Variants in APOL5 observed in about 807,000 individuals in gnomAD.
APOL5 encodes apolipoprotein L, 5.
In APOL5, 29 loss-of-function variants were observed where a neutral mutation model predicts 35.5. That is an observed-to-expected ratio of 0.82 (90% CI 0.61 to 1.11). The LOEUF (loss-of-function observed/expected upper bound fraction) is 1.11. Among genes scored for constraint, APOL5 ranks in the 50% most tolerant of loss-of-function variants. The pLI, the probability that APOL5 is intolerant of heterozygous loss-of-function variation, is 0.00. For synonymous variants in APOL5, 188 were observed against 200.2 expected, an observed-to-expected ratio of 0.94 and a Z score of 0.51; for missense variants, 514 against 530.4, an observed-to-expected ratio of 0.97 and a Z score of 0.30.
Position 35,720,583 on chromosome 22 carries a change from G to A in APOL5, c.71G>A (p.Cys24Tyr). 11 of 1,614,186 alleles carry A rather than the reference G, an allele frequency of 6.8e-6. No homozygotes were observed. The highest frequency in any genetic ancestry group is 1.1e-5 in the South Asian group (1 of 91,072). ...CCATCTCCAGGCTTGGGAGAAGGTT[G>A]TAAAGAAATGTGGCTTCGAAAGGTA... ...SKVLPGLGEG[C>Y]KEMWLRKVIY... Residue 24 changes from cysteine (C) to tyrosine (Y), a missense_variant, in exon 2 of 5, where the codon TGT becomes TAT. Around this residue, in one of 3 missense-constraint regions of APOL5, gnomAD observed 254 missense variants for 254.7 expected, o/e 1.00. Transcript: ENST00000249044.
chr22:35,726,263 T>C lies in APOL5; in HGVS notation c.195T>C (p.Thr65=). 6.2e-7 allele frequency: 1 copy of C among 1,613,764 alleles called. No homozygotes were observed. The highest frequency in any genetic ancestry group is 8.5e-7 in the Non-Finnish European group (1 of 1,179,652). ...QSWKINNLMS[T]VHSDEAGMLS... ...GGAAAATTAACAATTTGATGTCAAC[T>C]GTCCACAGTGATGAGGCTGGTATGC... Residue 65 remains threonine, a synonymous_variant, in exon 3 of 5, where the codon ACT becomes ACC. Transcript: ENST00000249044.
At chr22:35,714,137 C>G (rs1926670612), upstream of APOL5, among the ~76,000 whole-genome samples, 1 of 152,072 alleles carries the variant, frequency 6.6e-6, no homozygotes, top group South Asian at 2.1e-4. Context: ...CATGGTGAAA[C>G]CCCGTCTCTA....
Position 35,726,662 on chromosome 22 carries a change from AAG to A in APOL5, c.598_599del (p.Asp200GlnfsTer13), listed in dbSNP as rs1449620125. On this transcript the variant is annotated frameshift_variant, in exon 3 of 5. Coordinates refer to ENST00000249044, the MANE Select transcript of APOL5 (RefSeq NM_030642.1). LOFTEE classifies it high-confidence loss of function. Reference protein sequence around the residue: ...VLENRSNSAARDKASRLGPLT... With the variant: ...VLENRSNSAAXDKASRLGPLT... ...TAGAAAATAGAAGCAATTCAGCAGC[AAG>A]AGACAAAGCCAGCCGACTGGGGCCT... 3 of 1,614,238 alleles carry A rather than the reference AAG, an allele frequency of 1.9e-6. No homozygotes were observed. The highest frequency in any genetic ancestry group is 8.5e-7 in the Non-Finnish European group (1 of 1,180,050).
At chr22:35,708,682 G>T in the APOL5 span, among the ~76,000 whole-genome samples, 3 of 152,136 alleles carry the variant, frequency 2.0e-5, no homozygotes, top group Admixed American at 6.5e-5. Context: ...GCTTTCCTCT[G>T]CGCTGATTTT....
intron 2 of APOL5, among the ~76,000 whole-genome samples, chr22:35,724,378 C>T (rs1022527742): frequency 2.3e-5 from 3 of 133,250 alleles, no homozygotes; most frequent in East Asian, 6.6e-4. Context: ...CAAGCAACCA[C>T]CTTTTTTTTT....
At chr22:35,712,374 A>G in the APOL5 span, among the ~76,000 whole-genome samples, 2 of 151,924 alleles carry the variant, frequency 1.3e-5, no homozygotes, top group African/African-American at 4.8e-5. Context: ...GGTTTTCAAA[A>G]TAATTATTAT....
At chr22:35,718,694 T>C (rs1926852327) in intron 1 of APOL5, among the ~76,000 whole-genome samples, 1 of 150,018 alleles carries the variant, frequency 6.7e-6, no homozygotes, top group Non-Finnish European at 1.5e-5. Flanking sequence ...TAGCATAGAG[T>C]CATCAAAAAT....
chr22:35,723,922 A>T (rs989337787), intron 2 of APOL5, among the ~76,000 whole-genome samples: 8 of 152,182 alleles, frequency 5.3e-5, no homozygotes, highest in African/African-American at 1.9e-4. Flanking sequence ...GCGCCACTGC[A>T]CTCCAGCCCG....
rs1251680985 is a variant in APOL5 at position 35,726,757 on chromosome 22, T to C, written c.689T>C (p.Val230Ala). ...WSEIEAAGFC[V>A]NKCVKAIQGI... ...GAAATCGAGGCTGCTGGCTTTTGTG[T>C]TAATAAGTGTGTAAAAGCTATCCAG... is the stretch of plus-strand genomic sequence containing the variant. Residue 230 changes from valine (V) to alanine (A), a missense_variant, in exon 3 of 5, where the codon GTT becomes GCT. By Grantham distance (64) the Val-to-Ala change is moderately conservative. This residue lies in a region of APOL5 where 22 missense variants were observed against 46.6 expected (regional missense o/e 0.47). Transcript: ENST00000249044. 1.9e-6 allele frequency: 3 copies of C among 1,614,078 alleles called. No homozygotes were observed. The African/African-American group carries it at 4.0e-5, about 22-fold the overall frequency.
chr22:35,711,095 G>C, the APOL5 span, among the ~76,000 whole-genome samples: 1 of 152,184 alleles, frequency 6.6e-6, no homozygotes, highest in Non-Finnish European at 1.5e-5. Flanking sequence ...GCTTGAAGCC[G>C]GGAGTGGGAG....
At chr22:35,718,992 C>T (rs1926862334) in intron 1 of APOL5, among the ~76,000 whole-genome samples, 2 of 149,388 alleles carry the variant, frequency 1.3e-5, no homozygotes, top group South Asian at 4.3e-4. Context: ...CCAGGAGGCG[C>T]AGGTTGCAGT....
intron 4 of APOL5, 21 bp downstream of exon 4, chr22:35,728,925 C>A: frequency 6.4e-7 from 1 of 1,561,016 alleles, no homozygotes; most frequent in South Asian, 1.2e-5. Context: ...CGCAAGGAAG[C>A]CAGGAGCTGT....
chr22:35,710,502 C>T, the APOL5 span, among the ~76,000 whole-genome samples: 19 of 150,742 alleles, frequency 1.3e-4, no homozygotes, highest in Non-Finnish European at 2.5e-4. Context: ...TATATGTACA[C>T]ACACACACAT....
At chr22:35,711,026 G>A in the APOL5 span, among the ~76,000 whole-genome samples, 19 of 152,104 alleles carry the variant, frequency 1.2e-4, no homozygotes, top group African/African-American at 3.9e-4. Context: ...AATATTAGCC[G>A]GGCATGGTGG....
chr22:35,714,066 C>T (rs375716836), upstream of APOL5, among the ~76,000 whole-genome samples: 278 of 152,272 alleles, frequency 1.8e-3, 2 homozygotes, highest in Middle Eastern at 0.017. Context: ...AATCCCAGCA[C>T]TTTGGGAGGT....
chr22:35,719,081 A>G (rs8142446), intron 1 of APOL5, among the ~76,000 whole-genome samples: 101,879 of 151,342 alleles, frequency 0.67, 34,831 homozygotes, highest in African/African-American at 0.76. Flanking sequence ...ATAAATAATA[A>G]TAATAAATAA....
upstream of APOL5, among the ~76,000 whole-genome samples, chr22:35,713,503 C>A (rs1926649806): frequency 6.6e-6 from 1 of 152,186 alleles, no homozygotes; most frequent in Non-Finnish European, 1.5e-5. Flanking sequence ...TCTAAGCTCT[C>A]CATCCTCCGT....
chr22:35,719,155 C>A (rs893561216), intron 1 of APOL5, among the ~76,000 whole-genome samples: 1 of 151,876 alleles, frequency 6.6e-6, no homozygotes, highest in Non-Finnish European at 1.5e-5. Context: ...TGAAAAATAA[C>A]GGGAAGTAGA....
intron 1 of APOL5, among the ~76,000 whole-genome samples, chr22:35,719,739 G>A (rs931635238): frequency 1.2e-5 from 1 of 81,128 alleles, no homozygotes; most frequent in South Asian, 4.5e-4. Flanking sequence ...ATCTAGGGTT[G>A]AGTGTTTGCA....
Sources: gnomAD v4.1 joint callset for allele counts (sites outside exome capture counted in the v4.1 genomes callset) on GRCh38, gnomAD v4.1.1 for gene constraint, gnomAD v4.1.1 regional missense constraint, MANE v1.5 for transcripts, NCBI Gene and HGNC (gene_info 2026-07-23, HGNC 2026-07-21) for gene names.